Variants in COBL observed in about 807,000 individuals in gnomAD.
The protein encoded by COBL is cordon-bleu WH2 repeat protein.
COBL carries 51 observed loss-of-function variants against 98.8 expected under a neutral mutation model. The observed-to-expected ratio is 0.52, with a 90% CI of 0.41 to 0.65. The LOEUF (loss-of-function observed/expected upper bound fraction) is 0.65, where lower values mean the gene tolerates loss of function less well. Among genes scored for constraint, COBL ranks in the 30% least tolerant of loss-of-function variants. The pLI, the probability that COBL is intolerant of heterozygous loss-of-function variation, is 0.00. For synonymous variants in COBL, 634 were observed against 651.7 expected, an observed-to-expected ratio of 0.97 and a Z score of 0.41; for missense variants, 1,617 against 1,617.5, an observed-to-expected ratio of 1.00 and a Z score of 0.01.
chr7:51,099,697 G>C (rs986937695), intron 6 of COBL, among the ~76,000 whole-genome samples: 1 of 151,984 alleles, frequency 6.6e-6, no homozygotes, highest in African/African-American at 2.4e-5. Flanking sequence ...ACTTAAAAAT[G>C]ATTAAGATTA....
intron 6 of COBL, among the ~76,000 whole-genome samples, 164 bp downstream of exon 6, chr7:51,135,994 G>C (rs975179183): frequency 2.0e-5 from 3 of 152,102 alleles, no homozygotes; most frequent in Admixed American, 1.3e-4. Flanking sequence ...AGCCCTTCCT[G>C]GCATCTTGCC....
chr7:51,280,823 T>C (rs898295671), intron 1 of COBL, among the ~76,000 whole-genome samples: 1 of 152,288 alleles, frequency 6.6e-6, no homozygotes, highest in Non-Finnish European at 1.5e-5. Flanking sequence ...TGAAGAGCAC[T>C]GTACAGACTT....
At chr7:51,105,190 C>T (rs1023736001) in intron 6 of COBL, among the ~76,000 whole-genome samples, 3 of 151,974 alleles carry the variant, frequency 2.0e-5, no homozygotes, top group Admixed American at 6.6e-5. Flanking sequence ...GCCCGATCTT[C>T]CAAGACCGCC....
At chr7:51,118,588 A>C (rs1797482079) in intron 6 of COBL, among the ~76,000 whole-genome samples, 1 of 151,638 alleles carries the variant, frequency 6.6e-6, no homozygotes, top group South Asian at 2.1e-4. Flanking sequence ...AATTCACTCA[A>C]GGAGAAGGGC....
intron 8 of COBL, among the ~76,000 whole-genome samples, chr7:51,040,809 C>T (rs1191277607): frequency 3.3e-5 from 5 of 152,164 alleles, no homozygotes; most frequent in African/African-American, 1.2e-4. Context: ...TCCAAAGACT[C>T]AATGATTATT....
intron 1 of COBL, among the ~76,000 whole-genome samples, chr7:51,315,893 A>C (rs1017800661): frequency 2.0e-5 from 3 of 152,050 alleles, no homozygotes; most frequent in Admixed American, 2.0e-4. Flanking sequence ...GGAATCGCGA[A>C]GACAGGGATG....
Position 51,092,872 on chromosome 7 carries a change from G to A in COBL, c.958-7568C>T, listed in dbSNP as rs567309314. On this transcript the variant is annotated intron_variant, in intron 6 of 12. Transcript: ENST00000265136. The stretch of plus-strand genomic sequence containing the variant: ...TGTGTAGGATCACTTTGGGTAGTAC[G>A]GACATTTTAACAATATTAATTATTT... Among the ~76,000 whole-genome samples the A allele has an allele frequency of 5.6e-4, 85 of 152,102 alleles. 1 individual carries two copies. The highest frequency in any genetic ancestry group is 1.8e-3 in the African/African-American group (76 of 41,506).
intron 2 of COBL, among the ~76,000 whole-genome samples, chr7:51,196,102 T>C (rs1188952858): frequency 6.6e-6 from 1 of 152,210 alleles, no homozygotes; most frequent in East Asian, 1.9e-4. Context: ...ACTTCCAGCT[T>C]TTGCCCATTC....
intron 1 of COBL, chr7:51,259,959 T>C: frequency 1.3e-6 from 1 of 754,904 alleles, no homozygotes; most frequent in South Asian, 1.4e-5. Context: ...CTTCTAGTCA[T>C]CTGAGATGCA....
intron 1 of COBL, among the ~76,000 whole-genome samples, chr7:51,307,560 C>G (rs1171113883): frequency 1.3e-5 from 2 of 152,048 alleles, no homozygotes; most frequent in Non-Finnish European, 2.9e-5. Flanking sequence ...TTTTTTGGGT[C>G]CTCCTTTAGA....
chr7:51,110,178 C>T (rs556443886), intron 6 of COBL, among the ~76,000 whole-genome samples: 20 of 152,222 alleles, frequency 1.3e-4, no homozygotes, highest in Non-Finnish European at 2.4e-4. Context: ...AATAGTCATC[C>T]GACTATGCTA....
At chr7:51,157,426 C>G (rs1786277185) in intron 5 of COBL, among the ~76,000 whole-genome samples, 1 of 152,182 alleles carries the variant, frequency 6.6e-6, no homozygotes, top group African/African-American at 2.4e-5. Flanking sequence ...GTTTCAGTAG[C>G]ACCGGCAAGG....
chr7:51,124,240 C>T (rs1012250864), intron 6 of COBL, among the ~76,000 whole-genome samples: 13 of 152,318 alleles, frequency 8.5e-5, no homozygotes, highest in South Asian at 2.1e-4. Context: ...GACTGGATGA[C>T]GGTGCCTTTG....
chr7:51,025,008 C>A, intron 12 of COBL, 101 bp downstream of exon 12: 1 of 1,517,240 alleles, frequency 6.6e-7, no homozygotes, highest in Non-Finnish European at 9.0e-7. Context: ...TCCCATGTGA[C>A]CGCCTCGCAG....
At chr7:51,119,911 G>A (rs573059937) in intron 6 of COBL, among the ~76,000 whole-genome samples, 48 of 152,244 alleles carry the variant, frequency 3.2e-4, no homozygotes, top group African/African-American at 1.2e-3. Context: ...AAGTCCTTTT[G>A]AGTGACTTGC....
At chr7:51,156,329 C>A (rs748929141) in intron 5 of COBL, 5 of 985,062 alleles carry the variant, frequency 5.1e-6, no homozygotes, top group Non-Finnish European at 6.0e-6. Flanking sequence ...TATTCTTGTC[C>A]AAGTTTATCA....
chr7:51,144,018 AT>A (rs1164229079), intron 5 of COBL, among the ~76,000 whole-genome samples: 1 of 152,158 alleles, frequency 6.6e-6, no homozygotes, highest in African/African-American at 2.4e-5. Context: ...AAATAGAACT[AT>A]TTTTCAAGTG....
chr7:51,085,355 A>G, intron 6 of COBL, 51 bp from the exon 7 acceptor site: 1 of 477,972 alleles, frequency 2.1e-6, no homozygotes, highest in Non-Finnish European at 2.8e-6. Context: ...GTACCTATGA[A>G]GTACAAAGAA....
intron 5 of COBL, among the ~76,000 whole-genome samples, chr7:51,166,279 C>A (rs1003474615): frequency 1.3e-5 from 2 of 151,824 alleles, no homozygotes; most frequent in African/African-American, 4.8e-5. Flanking sequence ...GACATTACAA[C>A]TAACACCGCA....
Sources: gnomAD v4.1 joint callset for allele counts (sites outside exome capture counted in the v4.1 genomes callset) on GRCh38, gnomAD v4.1.1 for gene constraint, MANE v1.5 for transcripts, NCBI Gene and HGNC (gene_info 2026-07-23, HGNC 2026-07-21) for gene names.